Variants in HDAC9 observed in about 807,000 individuals in gnomAD.
HDAC9 encodes the protein MEF-2 interacting transcription repressor (MITR) protein.
In HDAC9, 41 loss-of-function variants were observed where a neutral mutation model predicts 139.4. That is an observed-to-expected ratio of 0.29 (90% CI 0.23 to 0.38). HDAC9 has a LOEUF of 0.38. Among genes scored for constraint, HDAC9 ranks in the 10% least tolerant of loss-of-function variants. HDAC9 has a pLI of 1.00. For synonymous variants in HDAC9, 517 were observed against 476.2 expected, an observed-to-expected ratio of 1.09 and a Z score of -1.12; for missense variants, 1,147 against 1,297.0, an observed-to-expected ratio of 0.88 and a Z score of 1.78.
At chr7:18,579,031 T>C (rs1053142163) in intron 2 of HDAC9, among the ~76,000 whole-genome samples, 2 of 152,230 alleles carry the variant, frequency 1.3e-5, no homozygotes, top group Admixed American at 6.5e-5. Context: ...GCACATATCA[T>C]AGAGGAGATA....
chr7:18,615,381 A>G (rs1838288080), intron 6 of HDAC9, among the ~76,000 whole-genome samples: 1 of 152,190 alleles, frequency 6.6e-6, no homozygotes, highest in Non-Finnish European at 1.5e-5. Flanking sequence ...AGCAACAAAA[A>G]AAGGGAAATA....
intron 2 of HDAC9, among the ~76,000 whole-genome samples, chr7:18,532,258 A>C (rs1367556340): frequency 6.6e-6 from 1 of 152,120 alleles, no homozygotes; most frequent in Non-Finnish European, 1.5e-5. Context: ...AACAACAACA[A>C]AAAACCAAAA....
intron 1 of HDAC9, among the ~76,000 whole-genome samples, chr7:18,308,056 G>T (rs964933055): frequency 2.6e-5 from 4 of 152,124 alleles, no homozygotes; most frequent in African/African-American, 9.7e-5. Context: ...ACATGTATAT[G>T]AAAGTGTTAC....
chr7:18,367,169 A>G (rs116202625), intron 1 of HDAC9, among the ~76,000 whole-genome samples: 4,238 of 152,188 alleles, frequency 0.028, 200 homozygotes, highest in African/African-American at 0.096. Flanking sequence ...ATACAATCAT[A>G]TTTAATTCCA....
chr7:18,810,762 G>C (rs1794111434), intron 17 of HDAC9, among the ~76,000 whole-genome samples: 1 of 151,790 alleles, frequency 6.6e-6, no homozygotes, highest in African/African-American at 2.4e-5. Context: ...ATAAATGGCA[G>C]TATAGAGTAT....
At chr7:18,318,982 C>T (rs1292875561) in intron 1 of HDAC9, among the ~76,000 whole-genome samples, 1 of 152,196 alleles carries the variant, frequency 6.6e-6, no homozygotes, top group East Asian at 1.9e-4. Flanking sequence ...CCATTCCAGA[C>T]CTCCTCAGTC....
At chr7:18,715,597 G>T (rs1784644513) in intron 12 of HDAC9, among the ~76,000 whole-genome samples, 1 of 152,112 alleles carries the variant, frequency 6.6e-6, no homozygotes, top group African/African-American at 2.4e-5. Context: ...AGGGTATAAA[G>T]ATTAATGTCT....
chr7:18,771,401 T>C (rs1177322175), intron 16 of HDAC9, among the ~76,000 whole-genome samples: 1 of 152,098 alleles, frequency 6.6e-6, no homozygotes, highest in African/African-American at 2.4e-5. Context: ...CTCTGAGGTT[T>C]TCTGCAAACG....
At chr7:18,570,962 C>T (rs1289598848) in intron 2 of HDAC9, among the ~76,000 whole-genome samples, 1 of 152,190 alleles carries the variant, frequency 6.6e-6, no homozygotes, top group Non-Finnish European at 1.5e-5. Flanking sequence ...AGGGAAGTCA[C>T]ATTTTATTAG....
intron 17 of HDAC9, among the ~76,000 whole-genome samples, chr7:18,800,897 G>C (rs962118288): frequency 6.6e-6 from 1 of 151,970 alleles, no homozygotes; most frequent in Admixed American, 6.6e-5. Context: ...TAGGTAATTT[G>C]TGTTTTTGAA....
chr7:18,277,351 C>A (rs1796800435), intron 2 of HDAC9, among the ~76,000 whole-genome samples: 1 of 152,080 alleles, frequency 6.6e-6, no homozygotes, highest in Admixed American at 6.6e-5. Context: ...GTGCATGTGC[C>A]TTTACCAGCA....
intron 2 of HDAC9, among the ~76,000 whole-genome samples, chr7:18,509,854 C>T (rs1009811153): frequency 6.6e-6 from 1 of 152,094 alleles, no homozygotes; most frequent in African/African-American, 2.4e-5. Context: ...TGTGTGTCCT[C>T]ATCCCCCCAA....
chr7:18,701,356 C>G (rs1783457139), intron 12 of HDAC9, among the ~76,000 whole-genome samples: 1 of 146,174 alleles, frequency 6.8e-6, no homozygotes, highest in Non-Finnish European at 1.5e-5. Context: ...TCAAAATTCT[C>G]ATGTCCAATA....
chr7:18,903,009 A>G (rs1340989523), intron 22 of HDAC9, among the ~76,000 whole-genome samples: 1 of 152,258 alleles, frequency 6.6e-6, no homozygotes, highest in Non-Finnish European at 1.5e-5. Context: ...ATAATAAAGC[A>G]TGATACACAG....
Position 18,593,954 on chromosome 7 carries a change from G to A in HDAC9, c.589G>A (p.Gly197Arg). Reference sequence around the variant, plus strand: ...GGATCAAAGCTCTCCACCCCTTAGTGGAACATCTCCATCCTACAAGTACAC... The same window carrying A: ...GGATCAAAGCTCTCCACCCCTTAGTAGAACATCTCCATCCTACAAGTACAC... The part of the protein sequence containing the change: ...SLDQSSPPLS[G>R]TSPSYKYTLP... Residue 197 changes from glycine to arginine, a missense_variant, in exon 6 of 26, where the codon GGA (glycine) becomes AGA (arginine). By Grantham distance (125) the Gly-to-Arg change is moderately radical (BLOSUM62 -2). Coordinates refer to ENST00000686413, the MANE Select transcript of HDAC9 (RefSeq NM_178425.4). 1 of 1,612,822 alleles carries A rather than the reference G, an allele frequency of 6.2e-7. No individual in the cohort carries two copies.
intron 1 of HDAC9, among the ~76,000 whole-genome samples, chr7:18,325,784 C>T (rs367623257): frequency 6.6e-6 from 1 of 151,970 alleles, no homozygotes; most frequent in East Asian, 1.9e-4. Flanking sequence ...TTTTAAAGTA[C>T]CTTTTCTATG....
At chr7:18,211,567 T>G (rs987235201) in intron 2 of HDAC9, among the ~76,000 whole-genome samples, 2 of 152,194 alleles carry the variant, frequency 1.3e-5, no homozygotes, top group African/African-American at 4.8e-5. Context: ...TATCGAGACA[T>G]CCACTAGTGT....
chr7:18,351,816 T>C (rs1053019858), intron 1 of HDAC9, among the ~76,000 whole-genome samples: 2 of 152,214 alleles, frequency 1.3e-5, no homozygotes, highest in Non-Finnish European at 2.9e-5. Flanking sequence ...AAAGATGTGT[T>C]TTGAGTCATT....
chr7:18,986,565 G>A (rs1435644282), intron 25 of HDAC9, among the ~76,000 whole-genome samples: 1 of 137,740 alleles, frequency 7.3e-6, no homozygotes, highest in African/African-American at 2.6e-5. Flanking sequence ...CTCTTTTTTG[G>A]TTCCATATGA....
Sources: allele counts gnomAD v4.1 joint callset (sites outside exome capture counted in the v4.1 genomes callset), GRCh38; gene constraint gnomAD v4.1.1; transcripts MANE v1.5; gene names NCBI Gene and HGNC (gene_info 2026-07-23, HGNC 2026-07-21).